Variants in NDUFS2 observed in about 807,000 individuals in gnomAD.
NDUFS2 encodes NADH:ubiquinone oxidoreductase core subunit S2, also known as NADH dehydrogenase [ubiquinone] iron-sulfur protein 2, mitochondrial.
A neutral mutation model predicts 69.6 loss-of-function variants in NDUFS2; 38 were observed. The observed-to-expected ratio is 0.55, with a 90% confidence interval of 0.42 to 0.72. NDUFS2 has a LOEUF of 0.72. Among genes scored for constraint, NDUFS2 ranks in the 30% least tolerant of loss-of-function variants. The pLI is 0.00. For synonymous variants in NDUFS2, 194 were observed against 211.2 expected, an observed-to-expected ratio of 0.92 and a Z score of 0.70; for missense variants, 468 against 595.0, an observed-to-expected ratio of 0.79 and a Z score of 2.22.
At chr1:161,205,696 A>G (rs1482031493) in intron 2 of NDUFS2, among the ~76,000 whole-genome samples, 2 of 151,730 alleles carry the variant, frequency 1.3e-5, no homozygotes, top group African/African-American at 2.4e-5. Flanking sequence ...TGAACCTGGC[A>G]GGCAGACATT....
Position 161,212,428 on chromosome 1 carries a change from A to C in NDUFS2, c.1064A>C (p.Glu355Ala). 6.2e-7 allele frequency: 1 copy of C among 1,613,978 alleles called. No individual in the cohort carries two copies. Among genetic ancestry groups the C allele is most frequent in the Non-Finnish European group, 8.5e-7 (1 of 1,179,936 alleles). ...TGTCTAAACAAGATGCCTCCTGGGG[A>C]GATCAAGGTTGATGATGCCAAAGTG... ...AQCLNKMPPGEIKVDDAKVSP... is the reference protein window; with the variant it reads ...AQCLNKMPPGAIKVDDAKVSP... Residue 355 changes from glutamate to alanine, a missense_variant, in exon 10 of 14, where the codon GAG becomes GCG. By Grantham distance (107) the Glu-to-Ala change is moderately radical. Around this residue, in one of 3 missense-constraint regions of NDUFS2, gnomAD observed 339 missense variants for 433.8 expected, o/e 0.78. Transcript: ENST00000676972.
In NDUFS2 at chr1:161,209,573, G is replaced by C; in HGVS notation, c.605G>C (p.Trp202Ser). The C allele has an allele frequency of 1.2e-6, 2 of 1,612,474 alleles. No homozygotes were observed. Among genetic ancestry groups the C allele is most frequent in the Non-Finnish European group, 1.7e-6 (2 of 1,179,864 alleles). Reference sequence around the variant, plus strand: ...CTTGGGGCCATGACCCCTTTCTTCTGGCTGTTTGAAGAAAGGGAGAAGGTA... The same window carrying C: ...CTTGGGGCCATGACCCCTTTCTTCTCGCTGTTTGAAGAAAGGGAGAAGGTA... ...LDLGAMTPFFWLFEEREKMFE... is the reference protein window; with the variant it reads ...LDLGAMTPFFSLFEEREKMFE... Residue 202 changes from tryptophan to serine, a missense_variant, in exon 5 of 14, where the codon TGG becomes TCG. This residue lies in a region of NDUFS2 where 339 missense variants were observed against 433.8 expected (regional missense o/e 0.78). Coordinates refer to ENST00000676972, the MANE Select transcript of NDUFS2 (RefSeq NM_001377299.1).
Position 161,212,613 on chromosome 1 carries a change from A to G in NDUFS2, c.1116+133A>G. 15 of 1,206,524 alleles carry G rather than the reference A, an allele frequency of 1.2e-5. No individual in the cohort carries two copies. The South Asian group carries it at 2.1e-4, about 17-fold the overall frequency. The allele number at this position is 1,206,524 out of a possible 1,614,324, so 74.7% of individuals were successfully genotyped here. On this transcript the variant is annotated intron_variant, in intron 10 of 13. Coordinates refer to ENST00000676972, the MANE Select transcript of NDUFS2 (RefSeq NM_001377299.1). ...ACAGAGTTTTACTCTTATTGCCCAG[A>G]CTGGAGTGCAATCTCGGCTAACTGC...
At chr1:161,213,287 C>T (rs1045237123) in intron 10 of NDUFS2, 93 bp from the exon 11 acceptor site, 2 of 801,348 alleles carry the variant, frequency 2.5e-6, no homozygotes, top group East Asian at 2.6e-5. Context: ...GCTTTAGTCT[C>T]CCTGAGGGTA....
chr1:161,206,599 TGTGGGGG>T lies in NDUFS2; in HGVS notation c.393+6_393+12del. ...ATTGAATACAAGACCTATCTTCAGGTGTGGGGGGTGAACAGGAGCCTTTTGGCGGGAT... is the reference window on the plus strand; with the variant it reads ...ATTGAATACAAGACCTATCTTCAGGTGTGAACAGGAGCCTTTTGGCGGGAT... On this transcript the variant is annotated splice_donor_5th_base_variant and intron_variant, in intron 3 of 13. Transcript: ENST00000676972. 6.2e-7 allele frequency: 1 copy of T among 1,612,710 alleles called. No individual in the cohort carries two copies. The highest frequency in any genetic ancestry group is 8.5e-7 in the Non-Finnish European group (1 of 1,179,870).
upstream of NDUFS2, chr1:161,198,236 G>A (rs745957886): frequency 1.2e-6 from 2 of 1,614,048 alleles, no homozygotes; most frequent in Non-Finnish European, 8.5e-7. This position sits in a 1 kb window ranked among gnomAD's most constrained non-coding sequence, Gnocchi z 4.7. Context: ...TCCATTGATG[G>A]TGCCAGTCAG....
upstream of NDUFS2, chr1:161,199,128 A>C (rs1665007804): frequency 6.5e-6 from 1 of 153,346 alleles, no homozygotes; most frequent in African/African-American, 2.4e-5. Context: ...TAAGCCACTC[A>C]GCTGAGCTCT....
intron 12 of NDUFS2, 54 bp downstream of exon 12, chr1:161,213,786 T>G: frequency 6.2e-7 from 1 of 1,612,950 alleles, no homozygotes; most frequent in South Asian, 1.1e-5. Context: ...TGACCTTGGT[T>G]GAGGTTTTTA....
intron 2 of NDUFS2, among the ~76,000 whole-genome samples, chr1:161,204,114 C>A (rs1012835585): frequency 7.9e-5 from 12 of 152,220 alleles, no homozygotes; most frequent in Non-Finnish European, 1.8e-4. Flanking sequence ...AATATTAATG[C>A]CAGCTTTTCC....
At position 161,203,777 on chromosome 1, in the gene NDUFS2, C is replaced by G. The variant is rs573020768; in HGVS notation, c.202+234C>G. ...ACAACTGGCTAATTTTGAAAATTTTCCTTTTGTAGAGACAGAGTCTTGCTA... is the reference window on the plus strand; with the variant it reads ...ACAACTGGCTAATTTTGAAAATTTTGCTTTTGTAGAGACAGAGTCTTGCTA... On this transcript the variant is annotated intron_variant, in intron 2 of 13. Coordinates refer to ENST00000676972, the MANE Select transcript of NDUFS2 (RefSeq NM_001377299.1). 3.0e-5 allele frequency: 16 copies of G among 539,556 alleles called. No individual in the cohort carries two copies. In the East Asian group the frequency reaches 5.3e-4, roughly 18 times the overall value. The allele number at this position is 539,556 out of a possible 1,614,324, so 33.4% of individuals were successfully genotyped here.
At chr1:161,208,163 T>G (rs1665578881) in intron 3 of NDUFS2, among the ~76,000 whole-genome samples, 1 of 151,180 alleles carries the variant, frequency 6.6e-6, no homozygotes, top group South Asian at 2.1e-4. Context: ...TTCTATATTT[T>G]TAGTAGAGAT....
upstream of NDUFS2, chr1:161,198,711 G>A (rs1664981544): frequency 6.9e-6 from 9 of 1,300,482 alleles, no homozygotes; most frequent in Middle Eastern, 2.2e-4. The surrounding 1 kb of genome is among the most constrained non-coding windows in gnomAD (Gnocchi z 4.7). Context: ...GCTCCTCTCT[G>A]TAGCCTGGGG....
At chr1:161,208,312 T>A (rs1665589888) in intron 3 of NDUFS2, among the ~76,000 whole-genome samples, 1 of 151,840 alleles carries the variant, frequency 6.6e-6, no homozygotes, top group African/African-American at 2.4e-5. Context: ...ATTTTTATTA[T>A]TTTTTGAGAT....
chr1:161,214,344 A>G lies in NDUFS2; in HGVS notation c.*151A>G. The G allele has an allele frequency of 3.9e-6, 3 of 772,858 alleles. No individual in the cohort carries two copies. The highest frequency in any genetic ancestry group is 6.5e-6 in the Non-Finnish European group (3 of 458,250). 47.9% of individuals were successfully genotyped at this position (772,858 alleles called of 1,614,324 possible). ...CTGTCAGGCTTTCTGTGCATGTACT[A>G]AAAAAGGAGAAATTATAATAAATTA... On this transcript the variant is annotated 3_prime_UTR_variant, in exon 14 of 14. Coordinates refer to ENST00000676972, the MANE Select transcript of NDUFS2 (RefSeq NM_001377299.1).
In NDUFS2 at chr1:161,209,425, C is replaced by T. The variant is rs1407276374; in HGVS notation, c.515-58C>T. The T allele has an allele frequency of 3.1e-6, 5 of 1,608,608 alleles. No homozygotes were observed. In the East Asian group the frequency reaches 1.1e-4, roughly 36 times the overall value. On this transcript the variant is annotated intron_variant, in intron 4 of 13. Transcript: ENST00000676972. ...GTTCAGACCCCAGGCTCTGCCCAGA[C>T]CTCTCTGTCCGCCTCAGTGCTTGGC... is the stretch of plus-strand genomic sequence containing the variant.
At chr1:161,197,904 A>G, upstream of NDUFS2, 2 of 1,497,462 alleles carry the variant, frequency 1.3e-6, no homozygotes, top group Admixed American at 4.6e-5. Flanking sequence ...AACGGCCAGA[A>G]GTGTAAGTGG....
chr1:161,208,400 A>G (rs1665595423), intron 3 of NDUFS2, among the ~76,000 whole-genome samples: 1 of 151,948 alleles, frequency 6.6e-6, no homozygotes, highest in South Asian at 2.1e-4. Flanking sequence ...TCCTGGGTTC[A>G]AGTGATTTTC....
At chr1:161,202,892 C>T (rs1558081865) in intron 1 of NDUFS2, among the ~76,000 whole-genome samples, 1 of 152,206 alleles carries the variant, frequency 6.6e-6, no homozygotes, top group East Asian at 1.9e-4. Context: ...ACCTTGCATG[C>T]CCAGGGGTGA....
At chr1:161,207,772 TAAGAC>T (rs1382554613) in intron 3 of NDUFS2, among the ~76,000 whole-genome samples, 1 of 151,776 alleles carries the variant, frequency 6.6e-6, no homozygotes, top group African/African-American at 2.4e-5. Flanking sequence ...CAGATACTCT[TAAGAC>T]TGATTGCCTT....
Sources: gnomAD v4.1 joint callset for allele counts (sites outside exome capture counted in the v4.1 genomes callset) on GRCh38, gnomAD v4.1.1 for gene constraint, gnomAD v4.1.1 regional missense constraint, Gnocchi (gnomAD v3.1) non-coding constraint, MANE v1.5 for transcripts, NCBI Gene and HGNC (gene_info 2026-07-23, HGNC 2026-07-21) for gene names.